Variants in STK38L observed in about 807,000 individuals in gnomAD.
STK38L encodes the protein serine/threonine-protein kinase 38-like.
A neutral mutation model predicts 59.7 loss-of-function variants in STK38L; 28 were observed. The observed-to-expected ratio is 0.47, with a 90% CI of 0.35 to 0.64. STK38L has a LOEUF of 0.64. Among genes scored for constraint, STK38L ranks in the 30% least tolerant of loss-of-function variants. The pLI, the probability that STK38L is intolerant of heterozygous loss-of-function variation, is 0.01. For missense variants in STK38L, 314 were observed against 555.8 expected (o/e 0.56, Z 4.37); for synonymous variants, 162 against 176.8 (o/e 0.92, Z 0.66).
At chr12:27,283,569 C>G (rs537508242) in intron 1 of STK38L, among the ~76,000 whole-genome samples, 1 of 152,162 alleles carries the variant, frequency 6.6e-6, no homozygotes, top group Non-Finnish European at 1.5e-5. Context: ...GGGTGTAACT[C>G]CAGTCTCTCA....
chr12:27,267,238 A>C (rs1943319693), intron 1 of STK38L, among the ~76,000 whole-genome samples: 2 of 152,132 alleles, frequency 1.3e-5, no homozygotes, highest in Non-Finnish European at 2.9e-5. Flanking sequence ...TATAAAGTAT[A>C]TCTGTACAAT....
At position 27,319,426 on chromosome 12, in the gene STK38L, A is replaced by G; in HGVS notation, c.1175+3A>G. 1 of 1,609,896 alleles carries G rather than the reference A, an allele frequency of 6.2e-7. No individual in the cohort carries two copies. The highest frequency in any genetic ancestry group is 2.2e-5 in the East Asian group (1 of 44,776). The stretch of plus-strand genomic sequence containing the variant: ...GGTGTCGACTGGGAGCACATAAGGT[A>G]TGTTCCTAGGCTTTGAATGGGAAAG... On this transcript the variant is annotated splice_donor_region_variant and intron_variant, in intron 12 of 13. Transcript: ENST00000389032.
intron 1 of STK38L, chr12:27,245,734 A>G (rs1942835832): frequency 6.6e-6 from 1 of 152,022 alleles, no homozygotes; most frequent in Admixed American, 6.6e-5. Context: ...AAATTATGAT[A>G]TTACATAATT....
At chr12:27,245,659 T>C (rs1942833905) in intron 1 of STK38L, 2 of 152,136 alleles carry the variant, frequency 1.3e-5, no homozygotes, top group African/African-American at 4.8e-5. Context: ...TGAGAGGTAT[T>C]GTATGTGAAT....
At position 27,325,665 on chromosome 12, in the gene STK38L, T is replaced by G. The variant is rs1038411724; in HGVS notation, c.*3210T>G. 1 of 152,192 alleles carries G rather than the reference T, an allele frequency of 6.6e-6. No homozygotes were observed. The highest frequency in any genetic ancestry group is 1.5e-5 in the Non-Finnish European group (1 of 68,022). The allele number at this position is 152,192 out of a possible 1,614,324, so 9.4% of individuals were successfully genotyped here. ...GAAGTGCACTTATTTCTGAAAAATC[T>G]TAATGAAACAAACGCTTAGAACAAA... On this transcript the variant is annotated 3_prime_UTR_variant, in exon 14 of 14. Transcript: ENST00000389032.
In STK38L at chr12:27,319,333, G is replaced by A; in HGVS notation, c.1085G>A (p.Cys362Tyr). 1 of 1,606,488 alleles carries A rather than the reference G, an allele frequency of 6.2e-7. No homozygotes were observed. Among genetic ancestry groups the A allele is most frequent in the Non-Finnish European group, 8.5e-7 (1 of 1,173,692 alleles). Residue 362 changes from cysteine to tyrosine, a missense_variant, in exon 12 of 14, where the codon TGT becomes TAT. Physicochemically the swap from Cys to Tyr is radical, Grantham distance 194. This residue lies in a region of STK38L where 94 missense variants were observed against 142.2 expected (regional missense o/e 0.66). Transcript: ENST00000389032. ...EKAKDLILRF[C>Y]IDSENRIGNS... ...TCTCTGTTTCCATGTTGTAGATTTTGTATTGATTCTGAAAACAGAATTGGA... is the reference window on the plus strand; with the variant it reads ...TCTCTGTTTCCATGTTGTAGATTTTATATTGATTCTGAAAACAGAATTGGA...
intron 1 of STK38L, among the ~76,000 whole-genome samples, chr12:27,271,853 CCGTGCCTGGCT>C (rs1216181985): frequency 5.9e-5 from 9 of 152,320 alleles, no homozygotes; most frequent in Middle Eastern, 3.4e-3. Context: ...GCGCACACCA[CCGTGCCTGGCT>C]AACTTTTGTA....
intron 1 of STK38L, among the ~76,000 whole-genome samples, chr12:27,289,465 A>G (rs1452634129): frequency 2.6e-5 from 4 of 152,242 alleles, no homozygotes; most frequent in Non-Finnish European, 5.9e-5. Context: ...CAGGTACTCA[A>G]CCATTGAACT....
At chr12:27,300,866 T>C (rs1268085781) in intron 2 of STK38L, among the ~76,000 whole-genome samples, 1 of 152,212 alleles carries the variant, frequency 6.6e-6, no homozygotes, top group Non-Finnish European at 1.5e-5. Context: ...AATGATGGTT[T>C]AGTAAAAAAG....
chr12:27,272,107 C>G (rs1943436686), intron 1 of STK38L, among the ~76,000 whole-genome samples: 1 of 152,192 alleles, frequency 6.6e-6, no homozygotes, highest in South Asian at 2.1e-4. Context: ...TGCTTCGGCT[C>G]TTGGCTATTT....
intron 1 of STK38L, among the ~76,000 whole-genome samples, chr12:27,286,889 C>T (rs116451159): frequency 4.5e-4 from 69 of 152,240 alleles, no homozygotes; most frequent in Middle Eastern, 3.4e-3. Flanking sequence ...AGGGAACATA[C>T]TGCATAATTT....
chr12:27,275,072 T>C (rs2136621151), intron 1 of STK38L, among the ~76,000 whole-genome samples: 1 of 152,292 alleles, frequency 6.6e-6, no homozygotes, highest in Non-Finnish European at 1.5e-5. Context: ...TTAAAATCTT[T>C]TAAATGGCTT....
chr12:27,307,907 C>T (rs1257139858), intron 3 of STK38L, among the ~76,000 whole-genome samples: 1 of 152,106 alleles, frequency 6.6e-6, no homozygotes, highest in African/African-American at 2.4e-5. Context: ...GGAAACACTA[C>T]CATTATGTTG....
rs940834457 is a variant in STK38L at position 27,282,337 on chromosome 12, A to G, written c.-11-15373A>G. Among the ~76,000 whole-genome samples, 3 of 152,328 alleles carry G rather than the reference A, an allele frequency of 2.0e-5. No individual in the cohort carries two copies. In the South Asian group the frequency reaches 6.2e-4, roughly 32 times the overall value. ...ATTATGTAAATATTGGCATTATGGT[A>G]TGATATCAGCTATTTAAAATGGCCT... On this transcript the variant is annotated intron_variant, in intron 1 of 13. Coordinates refer to ENST00000389032, the MANE Select transcript of STK38L (RefSeq NM_015000.4).
At chr12:27,274,613 C>T (rs1943494126) in intron 1 of STK38L, among the ~76,000 whole-genome samples, 1 of 152,214 alleles carries the variant, frequency 6.6e-6, no homozygotes, top group South Asian at 2.1e-4. Context: ...ATATAACCCA[C>T]ATTTATTCAG....
chr12:27,321,741 A>G (rs984962278), intron 12 of STK38L, among the ~76,000 whole-genome samples: 1 of 152,194 alleles, frequency 6.6e-6, no homozygotes, highest in Admixed American at 6.5e-5. Flanking sequence ...GAGGGTGACT[A>G]TAGTCAATAA....
At chr12:27,251,431 T>G (rs1290062062) in intron 1 of STK38L, among the ~76,000 whole-genome samples, 2 of 152,180 alleles carry the variant, frequency 1.3e-5, no homozygotes, top group East Asian at 3.8e-4. Context: ...TATTTTCAGG[T>G]AAAGAGAGGA....
At chr12:27,253,760 G>A (rs1366469295) in intron 1 of STK38L, among the ~76,000 whole-genome samples, 1 of 152,176 alleles carries the variant, frequency 6.6e-6, no homozygotes, top group South Asian at 2.1e-4. Flanking sequence ...CCTCAGGCGG[G>A]TATTATCACA....
At chr12:27,317,621 G>A (rs1413338445) in intron 10 of STK38L, 168 bp downstream of exon 10, 14 of 709,684 alleles carry the variant, frequency 2.0e-5, no homozygotes, top group Non-Finnish European at 3.2e-5. Flanking sequence ...AGCTCCCCAC[G>A]GATCCTGTTT....
Sources: allele counts gnomAD v4.1 joint callset (sites outside exome capture counted in the v4.1 genomes callset), GRCh38; gene constraint gnomAD v4.1.1; regional missense constraint gnomAD v4.1.1; transcripts MANE v1.5; gene names NCBI Gene and HGNC (gene_info 2026-07-23, HGNC 2026-07-21).